The following RADIL variants were observed in gnomAD, a reference collection of about 807,000 sequenced individuals.
RADIL encodes Rap associating with DIL domain.
A neutral mutation model predicts 97.6 loss-of-function variants in RADIL; 99 were observed. The observed-to-expected ratio is 1.01, with a 90% CI of 0.86 to 1.20. The LOEUF (loss-of-function observed/expected upper bound fraction) is 1.20. Among genes scored for constraint, RADIL ranks in the 50% most tolerant of loss-of-function variants. The probability of loss-of-function intolerance (pLI) is 0.00; values close to 1 mark genes in which losing one functional copy is unlikely to be tolerated. For synonymous variants in RADIL, 803 were observed against 691.8 expected (o/e 1.16, Z -2.52); for missense variants, 1,765 against 1,498.9 (o/e 1.18, Z -2.93).
intron 2 of RADIL, among the ~76,000 whole-genome samples, chr7:4,871,082 T>C (rs1192126143): frequency 6.6e-6 from 1 of 152,184 alleles, no homozygotes; most frequent in Admixed American, 6.5e-5. Flanking sequence ...ACTTTTCTAG[T>C]TTTAGGCTGG....
chr7:4,841,049 C>A (rs374794758), intron 2 of RADIL, among the ~76,000 whole-genome samples: 6 of 152,324 alleles, frequency 3.9e-5, no homozygotes, highest in African/African-American at 1.4e-4. Flanking sequence ...GGCAGGACGG[C>A]CGCAGCCTTT....
In RADIL at chr7:4,802,842, G is replaced by A. The variant is rs1384094703; in HGVS notation, c.2499+704C>T. Among the ~76,000 whole-genome samples the A allele has an allele frequency of 6.7e-5, 8 of 119,960 alleles. No homozygotes were observed. The South Asian group carries it at 9.2e-4, about 14-fold the overall frequency. 78.7% of individuals were successfully genotyped at this position (119,960 alleles called of 152,430 possible). ...CCCCTCCCCGGGCACCTCGGGGAAT[G>A]CTGGCTGGACCCCCTCCCCGGGCAC... On this transcript the variant is annotated intron_variant, in intron 11 of 14. Transcript: ENST00000399583.
intron 10 of RADIL, 121 bp downstream of exon 10, chr7:4,805,445 G>A (rs1782274964): frequency 8.0e-7 from 1 of 1,245,632 alleles, no homozygotes; most frequent in African/African-American, 1.5e-5. Context: ...CTCCAGGGAG[G>A]TCCCCAGGAG....
chr7:4,801,692 T>C lies in RADIL; in HGVS notation c.2803A>G (p.Arg935Gly), dbSNP rs773256929. The change falls in exon 12 of 15, where the codon AGG becomes GGG. Residue 935 changes from arginine (R) to glycine (G), a missense_variant. Transcript: ENST00000399583. ...CCCCGGAGGCCGCTGAGTCCGTTCCTCTGCCTCTCTGGGAGCGCTTTTCCA... is the reference window on the plus strand; with the variant it reads ...CCCCGGAGGCCGCTGAGTCCGTTCCCCTGCCTCTCTGGGAGCGCTTTTCCA... Reference protein sequence around the residue: ...PCGKALPERQRNGLSGLRGAA... With the variant: ...PCGKALPERQGNGLSGLRGAA... 1.9e-6 allele frequency: 3 copies of C among 1,608,736 alleles called. No individual in the cohort carries two copies. Among genetic ancestry groups the C allele is most frequent in the Non-Finnish European group, 2.5e-6 (3 of 1,178,462 alleles).
In RADIL at chr7:4,807,621, C is replaced by CT. The variant is rs556701698; in HGVS notation, c.2140-1906_2140-1905insA. On this transcript the variant is annotated intron_variant, in intron 9 of 14. Transcript: ENST00000399583. ...CTCCTCCCTCTCCTTCTCTCTCCCC[C>CT]CGTCTCCCCTCCCTCCTCCCGCTCC... Among the ~76,000 whole-genome samples the CT allele has an allele frequency of 3.9e-4, 35 of 89,784 alleles. 1 individual carries two copies. The highest frequency in any genetic ancestry group is 1.6e-3 in the African/African-American group (33 of 21,110). 58.9% of individuals were successfully genotyped at this position (89,784 alleles called of 152,430 possible). A position where few individuals can be genotyped will look rare whatever the true frequency, so the allele number is the denominator to read the frequency against.
At position 4,815,850 on chromosome 7, in the gene RADIL, G is replaced by T. The variant is rs1429930145; in HGVS notation, c.1966+378C>A. Among the ~76,000 whole-genome samples the T allele has an allele frequency of 6.6e-6, 1 of 152,202 alleles. No homozygotes were observed. Among genetic ancestry groups the T allele is most frequent in the Non-Finnish European group, 1.5e-5 (1 of 68,030 alleles). On this transcript the variant is annotated intron_variant, in intron 8 of 14. Transcript: ENST00000399583. This position sits in a 1 kb window ranked among gnomAD's most constrained non-coding sequence, Gnocchi z 8.0. Reference sequence around the variant, plus strand: ...GGTGATGGGGGAAGTCACTCCACAAGGCAGGGTCCAAGGCCAGAGTCCGCG... The same window carrying T: ...GGTGATGGGGGAAGTCACTCCACAATGCAGGGTCCAAGGCCAGAGTCCGCG...
rs910162191 is a variant in RADIL, at chr7:4,819,939, T to C, written c.1615+2455A>G. On this transcript the variant is annotated intron_variant, in intron 6 of 14. Transcript: ENST00000399583. This position sits in a 1 kb window ranked among gnomAD's most constrained non-coding sequence, Gnocchi z 5.8. ...AGCAGCTCCAACAGCCCAGAGCAAT[T>C]TTTCCCATGAAGAGCAGCCAGCACG... Among the ~76,000 whole-genome samples the C allele has an allele frequency of 5.3e-5, 8 of 152,134 alleles. No individual in the cohort carries two copies. Among genetic ancestry groups the C allele is most frequent in the Non-Finnish European group, 1.0e-4 (7 of 68,018 alleles).
In RADIL at chr7:4,837,850, C is replaced by T. The variant is rs1783342385; in HGVS notation, c.536-1245G>A. ...TCACCAGTCCCCAGCTGACCCGGCG[C>T]TGTCTTTTCTGAGCCCTCTGCTGAG... is the stretch of plus-strand genomic sequence containing the variant. On this transcript the variant is annotated intron_variant, in intron 2 of 14. Transcript: ENST00000399583. The surrounding 1 kb of genome is among the most constrained non-coding windows in gnomAD (Gnocchi z 5.6). 2.0e-6 allele frequency: 2 copies of T among 985,326 alleles called. No homozygotes were observed. Among genetic ancestry groups the T allele is most frequent in the African/African-American group, 1.7e-5 (1 of 57,244 alleles). The allele number at this position is 985,326 out of a possible 1,614,324, so 61.0% of individuals were successfully genotyped here.
rs999043426 is a variant in RADIL at position 4,824,320 on chromosome 7, G to A, written c.1455-1766C>T. Reference sequence around the variant, plus strand: ...GAGCCAGGCTCAAGGCTGGACGGCCGTCAGAGTGACCATCGCGTGCTCAGT... The same window carrying A: ...GAGCCAGGCTCAAGGCTGGACGGCCATCAGAGTGACCATCGCGTGCTCAGT... On this transcript the variant is annotated intron_variant, in intron 5 of 14. Coordinates refer to ENST00000399583, the MANE Select transcript of RADIL (RefSeq NM_018059.5). This position sits in a 1 kb window ranked among gnomAD's most constrained non-coding sequence, Gnocchi z 6.7. Among the ~76,000 whole-genome samples, 5 of 152,354 alleles carry A rather than the reference G, an allele frequency of 3.3e-5. No individual in the cohort carries two copies. The highest frequency in any genetic ancestry group is 6.5e-5 in the Admixed American group (1 of 15,304).
intron 2 of RADIL, among the ~76,000 whole-genome samples, chr7:4,845,291 C>T (rs941243986): frequency 6.6e-6 from 1 of 152,036 alleles, no homozygotes. Flanking sequence ...TGGTGGGACA[C>T]GTCTTAGTCC....
In RADIL at chr7:4,821,854, T is replaced by C. The variant is rs1378766472; in HGVS notation, c.1615+540A>G. Among the ~76,000 whole-genome samples the C allele has an allele frequency of 6.6e-6, 1 of 151,984 alleles. No individual in the cohort carries two copies. Among genetic ancestry groups the C allele is most frequent in the Non-Finnish European group, 1.5e-5 (1 of 67,990 alleles). Reference sequence around the variant, plus strand: ...CTGGGTGACAGAGCGAGACTCCGTCTCAAAAAAAGAAAAAGAAATCCCGAA... The same window carrying C: ...CTGGGTGACAGAGCGAGACTCCGTCCCAAAAAAAGAAAAAGAAATCCCGAA... On this transcript the variant is annotated intron_variant, in intron 6 of 14. Coordinates refer to ENST00000399583, the MANE Select transcript of RADIL (RefSeq NM_018059.5). This position sits in a 1 kb window ranked among gnomAD's most constrained non-coding sequence, Gnocchi z 5.2.
chr7:4,811,436 T>G (rs936280202), intron 9 of RADIL: 1 of 151,976 alleles, frequency 6.6e-6, no homozygotes, highest in Admixed American at 6.6e-5. Context: ...GGTTTCCTCT[T>G]TTTCTACTTT....
intron 2 of RADIL, among the ~76,000 whole-genome samples, chr7:4,846,192 C>A (rs960582468): frequency 4.7e-5 from 7 of 149,654 alleles, no homozygotes; most frequent in Non-Finnish European, 8.9e-5. Flanking sequence ...TGCAGTGGTG[C>A]GATCTTGGCT....
In RADIL at chr7:4,799,623, G is replaced by T. The variant is rs1287045959; in HGVS notation, c.3122+7C>A. 7.5e-6 allele frequency: 12 copies of T among 1,605,740 alleles called. No individual in the cohort carries two copies. In the Admixed American group the frequency reaches 1.4e-4, roughly 18 times the overall value. Reference sequence around the variant, plus strand: ...GAAGGGGCCGGGCGTGCATGCGGTGGGGGTACCTCAGGTAGCCAAGGCCCA... The same window carrying T: ...GAAGGGGCCGGGCGTGCATGCGGTGTGGGTACCTCAGGTAGCCAAGGCCCA... On this transcript the variant is annotated splice_region_variant and intron_variant, in intron 14 of 14. Coordinates refer to ENST00000399583, the MANE Select transcript of RADIL (RefSeq NM_018059.5).
At chr7:4,866,553 G>A (rs201204182) in intron 2 of RADIL, among the ~76,000 whole-genome samples, 10 of 152,236 alleles carry the variant, frequency 6.6e-5, no homozygotes, top group South Asian at 4.1e-4. Flanking sequence ...AAATCTATAC[G>A]TTGTGACCTT....
At chr7:4,860,304 G>C (rs775333096) in intron 2 of RADIL, 12 of 1,613,888 alleles carry the variant, frequency 7.4e-6, no homozygotes, top group Non-Finnish European at 9.3e-6. Context: ...TTGTCCTGAA[G>C]CACATGATGA....
chr7:4,833,219 G>C (rs1006698476), intron 4 of RADIL, among the ~76,000 whole-genome samples: 1 of 152,210 alleles, frequency 6.6e-6, no homozygotes, highest in African/African-American at 2.4e-5. Flanking sequence ...CTGTGACATG[G>C]GGTGTGGCAT....
At chr7:4,801,552 A>T in intron 12 of RADIL, 101 bp downstream of exon 12, 1 of 1,312,494 alleles carries the variant, frequency 7.6e-7, no homozygotes, top group Non-Finnish European at 1.0e-6. Flanking sequence ...GCAGGTAAGG[A>T]AACCTAGGAC....
intron 3 of RADIL, 131 bp downstream of exon 3, chr7:4,836,227 C>T (rs967980568): frequency 2.2e-6 from 3 of 1,378,498 alleles, no homozygotes; most frequent in Admixed American, 4.8e-5. Context: ...AGCCTCGGCA[C>T]AGCCAGAGGG....
Sources: allele counts gnomAD v4.1 joint callset (sites outside exome capture counted in the v4.1 genomes callset), GRCh38; gene constraint gnomAD v4.1.1; non-coding constraint Gnocchi (gnomAD v3.1); transcripts MANE v1.5; gene names NCBI Gene and HGNC (gene_info 2026-07-23, HGNC 2026-07-21).